RANBP2: variants seen among roughly 807,000 people sequenced by gnomAD.
RANBP2 encodes the protein RAN binding protein 2, also known as E3 SUMO-protein ligase RanBP2.
In RANBP2, 57 loss-of-function variants were observed where a neutral mutation model predicts 303.6. The ratio of observed to expected loss-of-function variants is 0.19; its 90% CI spans 0.15 to 0.23. The LOEUF is 0.23. RANBP2 is among the 10% of genes least tolerant of loss of function. RANBP2 has a pLI of 1.00. For missense variants in RANBP2, 3,138 were observed against 3,780.8 expected (o/e 0.83, Z 4.46); for synonymous variants, 1,167 against 1,301.5 (o/e 0.90, Z 2.23).
chr2:108,965,936 A>G, the RANBP2 span, among the ~76,000 whole-genome samples: 7 of 152,074 alleles, frequency 4.6e-5, no homozygotes, highest in African/African-American at 1.7e-4. Context: ...AGGTACTATC[A>G]ACGTCAAATC....
chr2:109,581,224 G>A, the RANBP2 span, among the ~76,000 whole-genome samples: 2 of 152,150 alleles, frequency 1.3e-5, no homozygotes, highest in Admixed American at 1.3e-4. Flanking sequence ...CAGATCACCT[G>A]AGGTCAGGAG....
At chr2:109,427,401 A>G in the RANBP2 span, among the ~76,000 whole-genome samples, 1 of 152,212 alleles carries the variant, frequency 6.6e-6, no homozygotes, top group African/African-American at 2.4e-5. Flanking sequence ...GTGACAGTTT[A>G]TTGCAATATT....
chr2:109,459,360 C>A, the RANBP2 span, among the ~76,000 whole-genome samples: 1 of 152,166 alleles, frequency 6.6e-6, no homozygotes, highest in African/African-American at 2.4e-5. Context: ...ACTATCCAAT[C>A]TGTATTCCCC....
chr2:109,117,366 C>T, the RANBP2 span, among the ~76,000 whole-genome samples: 29 of 152,318 alleles, frequency 1.9e-4, no homozygotes, highest in African/African-American at 4.8e-4. Flanking sequence ...GCCTCACTGC[C>T]GCCTTGCAGT....
chr2:109,686,325 T>C, the RANBP2 span, among the ~76,000 whole-genome samples: 1 of 152,174 alleles, frequency 6.6e-6, no homozygotes, highest in Admixed American at 6.5e-5. Flanking sequence ...AGTACTTTTT[T>C]TTTCTTTGAG....
the RANBP2 span, among the ~76,000 whole-genome samples, chr2:108,850,359 T>C: frequency 6.6e-6 from 1 of 152,200 alleles, no homozygotes; most frequent in Admixed American, 6.5e-5. Context: ...AATCCAGATA[T>C]ATATAGATCT....
chr2:109,001,320 G>C, the RANBP2 span, among the ~76,000 whole-genome samples: 2 of 152,202 alleles, frequency 1.3e-5, no homozygotes, highest in African/African-American at 4.8e-5. Flanking sequence ...GGCCAATGCT[G>C]AGGCCAAGGA....
At chr2:109,239,250 T>C in the RANBP2 span, among the ~76,000 whole-genome samples, 1 of 152,124 alleles carries the variant, frequency 6.6e-6, no homozygotes, top group East Asian at 1.9e-4. Flanking sequence ...ACAGCTCACC[T>C]GGGTTTCTCA....
At chr2:108,804,567 A>G in the RANBP2 span, among the ~76,000 whole-genome samples, 2 of 152,288 alleles carry the variant, frequency 1.3e-5, no homozygotes, top group East Asian at 3.9e-4. Context: ...TTATTATTCC[A>G]TGATGTCAAA....
the RANBP2 span, among the ~76,000 whole-genome samples, chr2:108,977,492 G>C: frequency 6.6e-6 from 1 of 152,072 alleles, no homozygotes; most frequent in Non-Finnish European, 1.5e-5. Flanking sequence ...GGATGGTCTC[G>C]ATCTCCTGAC....
At chr2:108,750,583 T>TTTTCC (rs1558900660) in intron 9 of RANBP2, among the ~76,000 whole-genome samples, 1 of 142,838 alleles carries the variant, frequency 7.0e-6, no homozygotes, top group Admixed American at 6.8e-5. Flanking sequence ...TTTTCTTTTC[T>TTTTCC]TTTCTTTTCT....
At chr2:108,731,204 A>G in intron 3 of RANBP2, 118 bp from the exon 4 acceptor site, 3 of 1,450,714 alleles carry the variant, frequency 2.1e-6, no homozygotes, top group Non-Finnish European at 1.8e-6. Flanking sequence ...TTTCTCTAGA[A>G]GTAGAATTTT....
At chr2:109,560,949 C>T in the RANBP2 span, among the ~76,000 whole-genome samples, 1 of 152,172 alleles carries the variant, frequency 6.6e-6, no homozygotes, top group African/African-American at 2.4e-5. Context: ...CAAAGAAATG[C>T]TCTCCTAACT....
At chr2:109,414,133 G>T in the RANBP2 span, among the ~76,000 whole-genome samples, 1 of 152,202 alleles carries the variant, frequency 6.6e-6, no homozygotes, top group African/African-American at 2.4e-5. Context: ...CTTCTGGGTG[G>T]TGTCCCGCAG....
At chr2:109,223,249 T>C in the RANBP2 span, among the ~76,000 whole-genome samples, 1 of 151,882 alleles carries the variant, frequency 6.6e-6, no homozygotes, top group Non-Finnish European at 1.5e-5. Flanking sequence ...TAACCAGGAG[T>C]TGGCTGTTAC....
At chr2:109,233,196 C>T in the RANBP2 span, among the ~76,000 whole-genome samples, 1 of 152,178 alleles carries the variant, frequency 6.6e-6, no homozygotes, top group Non-Finnish European at 1.5e-5. Context: ...CTTCTTACAC[C>T]TTGTCCTCTT....
At chr2:109,391,377 A>G in the RANBP2 span, among the ~76,000 whole-genome samples, 2 of 152,190 alleles carry the variant, frequency 1.3e-5, no homozygotes, top group Non-Finnish European at 2.9e-5. Context: ...CACATCTGCC[A>G]TGTGCTGGAG....
At chr2:109,351,134 A>G in the RANBP2 span, among the ~76,000 whole-genome samples, 3 of 152,244 alleles carry the variant, frequency 2.0e-5, no homozygotes, top group East Asian at 5.8e-4. Flanking sequence ...GCCCGACTCC[A>G]GAAAGCTGGG....
chr2:109,244,194 CAATG>C, the RANBP2 span, among the ~76,000 whole-genome samples: 8 of 152,270 alleles, frequency 5.3e-5, no homozygotes, highest in African/African-American at 1.9e-4. Context: ...GACTGCAAAA[CAATG>C]GATTCTAATC....
Sources: allele counts gnomAD v4.1 joint callset (sites outside exome capture counted in the v4.1 genomes callset), GRCh38; gene constraint gnomAD v4.1.1; transcripts MANE v1.5; gene names NCBI Gene and HGNC (gene_info 2026-07-23, HGNC 2026-07-21).